C3orf49: variants seen among roughly 807,000 people sequenced by gnomAD.
C3orf49 encodes the protein putative uncharacterized protein C3orf49.
In C3orf49, 27 loss-of-function variants were observed where a neutral mutation model predicts 13.3. The observed-to-expected ratio is 2.02, with a 90% confidence interval of 1.49 to 2.79. The LOEUF (loss-of-function observed/expected upper bound fraction) is 2.79, where lower values mean the gene tolerates loss of function less well. Ranked by LOEUF, C3orf49 falls within the 30% of genes most tolerant of loss-of-function variation. The pLI, the probability that C3orf49 is intolerant of heterozygous loss-of-function variation, is 0.00. For synonymous variants in C3orf49, 87 were observed against 47.6 expected, an observed-to-expected ratio of 1.83 and a Z score of -3.40; for missense variants, 242 against 134.2, an observed-to-expected ratio of 1.80 and a Z score of -3.97.
the C3orf49 span, among the ~76,000 whole-genome samples, chr3:63,789,165 T>C: frequency 2.0e-5 from 3 of 152,110 alleles, no homozygotes; most frequent in African/African-American, 4.8e-5. Flanking sequence ...TAGATTCTCA[T>C]TGGAGTGTGA....
the C3orf49 span, among the ~76,000 whole-genome samples, chr3:63,812,071 C>T: frequency 1.3e-5 from 2 of 152,176 alleles, no homozygotes; most frequent in African/African-American, 2.4e-5. Context: ...CACTCCTCTG[C>T]CTATCTGGGA....
chr3:63,825,519 GA>G (rs1701455511), intron 2 of C3orf49, among the ~76,000 whole-genome samples: 1 of 152,178 alleles, frequency 6.6e-6, no homozygotes, highest in Admixed American at 6.5e-5. Flanking sequence ...GCAGAAAACA[GA>G]GGATCAAATT....
chr3:63,780,694 G>C, the C3orf49 span, among the ~76,000 whole-genome samples: 1 of 152,194 alleles, frequency 6.6e-6, no homozygotes, highest in Admixed American at 6.5e-5. Flanking sequence ...ACTGGTGTGA[G>C]ATGGTAACTC....
the C3orf49 span, among the ~76,000 whole-genome samples, chr3:63,798,563 TATCATC>T: frequency 6.6e-6 from 1 of 152,058 alleles, no homozygotes; most frequent in African/African-American, 2.4e-5. Flanking sequence ...ATTATTTTAC[TATCATC>T]ATCATCATCA....
At chr3:63,818,558 A>G (rs1701349447), upstream of C3orf49, among the ~76,000 whole-genome samples, 1 of 152,216 alleles carries the variant, frequency 6.6e-6, no homozygotes, top group Non-Finnish European at 1.5e-5. Context: ...TGCACTTGAA[A>G]GCTTGAGAAG....
At chr3:63,807,593 T>C in the C3orf49 span, among the ~76,000 whole-genome samples, 5 of 152,024 alleles carry the variant, frequency 3.3e-5, no homozygotes, top group Admixed American at 3.3e-4. Context: ...AAGTGGCTCA[T>C]ACCTGTAATC....
At chr3:63,785,426 G>C in the C3orf49 span, among the ~76,000 whole-genome samples, 1 of 151,992 alleles carries the variant, frequency 6.6e-6, no homozygotes, top group Admixed American at 6.6e-5. Flanking sequence ...CCCATCCTCA[G>C]CTTTCATAAT....
chr3:63,838,305 T>C, intron 5 of C3orf49: 1 of 1,131,912 alleles, frequency 8.8e-7, no homozygotes, highest in Non-Finnish European at 1.2e-6. Flanking sequence ...AGAAAATTGT[T>C]AGCAGGTATT....
At chr3:63,817,011 T>C (rs1401677326), upstream of C3orf49, among the ~76,000 whole-genome samples, 1 of 152,028 alleles carries the variant, frequency 6.6e-6, no homozygotes, top group Non-Finnish European at 1.5e-5. Flanking sequence ...CCTGCTCTCG[T>C]GATCCACCCA....
chr3:63,822,264 C>T (rs1010743280), intron 1 of C3orf49, among the ~76,000 whole-genome samples: 1 of 152,166 alleles, frequency 6.6e-6, no homozygotes, highest in Non-Finnish European at 1.5e-5. Flanking sequence ...CGTAAGCCAC[C>T]GCGCCTGGCC....
At chr3:63,797,499 C>A in the C3orf49 span, among the ~76,000 whole-genome samples, 1 of 152,080 alleles carries the variant, frequency 6.6e-6, no homozygotes, top group Non-Finnish European at 1.5e-5. Flanking sequence ...GTAAAACTTA[C>A]AAAAGTGTAG....
intron 3 of C3orf49, among the ~76,000 whole-genome samples, chr3:63,830,826 C>T (rs1239607869): frequency 1.3e-5 from 2 of 152,152 alleles, no homozygotes; most frequent in Non-Finnish European, 2.9e-5. Flanking sequence ...CTTCTTCTTC[C>T]CCTTACGAAT....
intron 3 of C3orf49, among the ~76,000 whole-genome samples, chr3:63,828,322 CAGAG>C (rs1701492360): frequency 6.6e-6 from 1 of 152,136 alleles, no homozygotes; most frequent in Non-Finnish European, 1.5e-5. Context: ...TGTTTTGAGA[CAGAG>C]TCTCACTCTG....
Position 63,831,182 on chromosome 3 carries a change from C to A in C3orf49, c.643C>A (p.Leu215Ile). 1 of 702,896 alleles carries A rather than the reference C, an allele frequency of 1.4e-6. No homozygotes were observed. The highest frequency in any genetic ancestry group is 2.6e-6 in the Non-Finnish European group (1 of 384,970). 43.5% of individuals were successfully genotyped at this position (702,896 alleles called of 1,614,324 possible). A position where few individuals can be genotyped will look rare whatever the true frequency, so the allele number is the denominator to read the frequency against. ...AAAGAAGCGTGGCATGGAAAACATC[C>A]TTCGAAAATCAGATTTGACAGTAGG... ...KKKKRGMENI[L>I]RKSDLTVGKL... Residue 215 changes from leucine to isoleucine, a missense_variant, in exon 4 of 7, where the codon CTT becomes ATT. By Grantham distance (5) the Leu-to-Ile change is conservative. Transcript: ENST00000295896.
chr3:63,838,444 C>G, intron 5 of C3orf49: 1 of 1,609,756 alleles, frequency 6.2e-7, no homozygotes, highest in East Asian at 2.2e-5. Flanking sequence ...AAAGTTTTGC[C>G]CATTGAAAAT....
chr3:63,837,819 A>G (rs1198547101), intron 5 of C3orf49, among the ~76,000 whole-genome samples: 3 of 152,084 alleles, frequency 2.0e-5, no homozygotes, highest in Admixed American at 6.6e-5. Flanking sequence ...TTCCTTCTCT[A>G]TTTTAAAGAA....
At chr3:63,805,808 T>C in the C3orf49 span, among the ~76,000 whole-genome samples, 1 of 152,132 alleles carries the variant, frequency 6.6e-6, no homozygotes, top group African/African-American at 2.4e-5. Context: ...GTATCTCTAT[T>C]ACTACTTAAA....
chr3:63,803,969 C>G, the C3orf49 span, among the ~76,000 whole-genome samples: 1 of 151,856 alleles, frequency 6.6e-6, no homozygotes, highest in South Asian at 2.1e-4. Context: ...GAGACAGTGA[C>G]AGATCATCAG....
At chr3:63,843,788 C>T (rs1029746280) in intron 5 of C3orf49, among the ~76,000 whole-genome samples, 7 of 151,982 alleles carry the variant, frequency 4.6e-5, no homozygotes, top group Admixed American at 1.3e-4. Flanking sequence ...GTAGTCCCAG[C>T]TACTCAGAAG....
Sources: allele counts gnomAD v4.1 joint callset (sites outside exome capture counted in the v4.1 genomes callset), GRCh38; gene constraint gnomAD v4.1.1; transcripts MANE v1.5; gene names NCBI Gene and HGNC (gene_info 2026-07-23, HGNC 2026-07-21).